The following NAA35 variants were observed in gnomAD, a reference collection of about 807,000 sequenced individuals.
NAA35 encodes N-alpha-acetyltransferase 35, NatC auxiliary subunit.
A neutral mutation model predicts 101.7 loss-of-function variants in NAA35; 18 were observed. That is an observed-to-expected ratio of 0.18 (90% confidence interval 0.12 to 0.26). The LOEUF (loss-of-function observed/expected upper bound fraction) is 0.26. Ranked by LOEUF, NAA35 falls within the 10% of genes least tolerant of loss-of-function variation. NAA35 has a pLI of 1.00. For synonymous variants in NAA35, 267 were observed against 273.1 expected (o/e 0.98, Z 0.22); for missense variants, 601 against 886.8 (o/e 0.68, Z 4.09).
intron 4 of NAA35, among the ~76,000 whole-genome samples, chr9:85,959,356 G>A (rs1474470745): frequency 1.5e-4 from 22 of 144,958 alleles, no homozygotes; most frequent in South Asian, 2.1e-4. Context: ...CAGCCTGGGC[G>A]ACAGAGTGAG....
chr9:85,998,735 T>G (rs1831285598), intron 12 of NAA35, among the ~76,000 whole-genome samples: 2 of 152,206 alleles, frequency 1.3e-5, no homozygotes, highest in Non-Finnish European at 2.9e-5. Flanking sequence ...GTAGAAAATG[T>G]GCAAGACAGT....
At chr9:85,945,774 C>G (rs980881478) in intron 2 of NAA35, among the ~76,000 whole-genome samples, 1 of 152,080 alleles carries the variant, frequency 6.6e-6, no homozygotes, top group Non-Finnish European at 1.5e-5. Flanking sequence ...CCACCTCGGC[C>G]TCTCAAAGTG....
At chr9:85,958,614 C>T (rs767901556) in intron 4 of NAA35, 28 bp downstream of exon 4, 131 of 1,454,504 alleles carry the variant, frequency 9.0e-5, no homozygotes, top group Non-Finnish European at 1.1e-4. Context: ...TTTTGTGTTT[C>T]CATTTATCTT....
At chr9:85,966,570 T>A (rs964348638) in intron 6 of NAA35, 2 of 1,100,638 alleles carry the variant, frequency 1.8e-6, no homozygotes, top group South Asian at 1.6e-5. Flanking sequence ...CTTTTTTTTT[T>A]AACCTCACCC....
chr9:85,982,167 G>A (rs971373986), intron 11 of NAA35, among the ~76,000 whole-genome samples: 1 of 152,108 alleles, frequency 6.6e-6, no homozygotes, highest in Non-Finnish European at 1.5e-5. Flanking sequence ...TTTTTTTGAC[G>A]TGGTTACATG....
intron 2 of NAA35, among the ~76,000 whole-genome samples, chr9:85,951,203 C>G (rs1368806341): frequency 6.6e-6 from 1 of 151,520 alleles, no homozygotes; most frequent in Admixed American, 6.6e-5. Context: ...AATGAGAAAT[C>G]ATTGTATTTT....
At chr9:85,949,299 C>CTTT (rs56828555) in intron 2 of NAA35, among the ~76,000 whole-genome samples, 36 of 140,080 alleles carry the variant, frequency 2.6e-4, no homozygotes, top group African/African-American at 8.9e-4. Flanking sequence ...TTTTCTTTTT[C>CTTT]TTTTTTTTTT....
intron 17 of NAA35, among the ~76,000 whole-genome samples, chr9:86,014,906 A>T (rs1008398563): frequency 3.3e-5 from 5 of 152,172 alleles, no homozygotes; most frequent in African/African-American, 1.2e-4. Context: ...ACATTTTGTT[A>T]TTCATAGTAG....
intron 16 of NAA35, among the ~76,000 whole-genome samples, 158 bp from the exon 17 acceptor site, chr9:86,013,561 A>AAG (rs1832059572): frequency 6.6e-6 from 1 of 152,238 alleles, no homozygotes; most frequent in Non-Finnish European, 1.5e-5. Context: ...GAGAACTTCA[A>AAG]ATGTAAACCT....
intron 2 of NAA35, among the ~76,000 whole-genome samples, chr9:85,945,956 T>C (rs536245166): frequency 6.6e-6 from 1 of 152,288 alleles, no homozygotes; most frequent in South Asian, 2.1e-4. Context: ...TTATGATTTA[T>C]TTTATTTCCT....
intron 11 of NAA35, among the ~76,000 whole-genome samples, chr9:85,993,159 G>A (rs1157556283): frequency 6.6e-6 from 1 of 152,126 alleles, no homozygotes; most frequent in African/African-American, 2.4e-5. Context: ...TGTTTTGTTT[G>A]TTTAAAAGTA....
chr9:86,005,121 TAAATC>T (rs1337008137), intron 13 of NAA35, among the ~76,000 whole-genome samples: 4 of 152,252 alleles, frequency 2.6e-5, no homozygotes, highest in South Asian at 2.1e-4. Context: ...AAATTATTAA[TAAATC>T]AAATTCAACA....
intron 6 of NAA35, among the ~76,000 whole-genome samples, chr9:85,973,691 C>T (rs908808916): frequency 1.3e-5 from 2 of 150,908 alleles, no homozygotes; most frequent in South Asian, 2.1e-4. Context: ...GTTTGATGTC[C>T]AAGTAGAGAC....
At chr9:85,966,504 C>A in intron 6 of NAA35, 1 of 544,060 alleles carries the variant, frequency 1.8e-6, no homozygotes, top group Non-Finnish European at 2.8e-6. Context: ...TAAAATTTAG[C>A]TTCACTATAA....
chr9:85,941,292 T>G lies in NAA35; in HGVS notation c.-6+19T>G. On this transcript the variant is annotated intron_variant, in intron 1 of 22. Coordinates refer to ENST00000361671, the MANE Select transcript of NAA35 (RefSeq NM_024635.4). ...GAAGTAGGTAGGGACCGCCCCTGCG[T>G]AGCCATTGAAACCCTCTCGCTCGTG... 1.0e-6 allele frequency: 1 copy of G among 985,544 alleles called. No homozygotes were observed. Among genetic ancestry groups the G allele is most frequent in the Non-Finnish European group, 1.2e-6 (1 of 830,068 alleles). 61.0% of individuals were successfully genotyped at this position (985,544 alleles called of 1,614,324 possible). A position where few individuals can be genotyped will look rare whatever the true frequency, so the allele number is the denominator to read the frequency against.
intron 15 of NAA35, 109 bp from the exon 16 acceptor site, chr9:86,012,937 A>T (rs1403234022): frequency 1.7e-6 from 1 of 598,680 alleles, no homozygotes; most frequent in African/African-American, 1.8e-5. Context: ...TAATTCTTAC[A>T]TACACAGCAT....
chr9:85,954,200 C>T (rs1229121268), intron 2 of NAA35, among the ~76,000 whole-genome samples: 1 of 152,136 alleles, frequency 6.6e-6, no homozygotes, highest in African/African-American at 2.4e-5. Flanking sequence ...CCCACCTCAG[C>T]CTCCCCAGTA....
At chr9:85,962,842 T>C (rs545783815) in intron 6 of NAA35, among the ~76,000 whole-genome samples, 1 of 152,298 alleles carries the variant, frequency 6.6e-6, no homozygotes, top group African/African-American at 2.4e-5. Flanking sequence ...AAAAGGGAGC[T>C]AAGGAGAACA....
At chr9:85,985,739 G>A (rs1293664319) in intron 11 of NAA35, among the ~76,000 whole-genome samples, 1 of 152,120 alleles carries the variant, frequency 6.6e-6, no homozygotes, top group Admixed American at 6.5e-5. Context: ...GAGTTATGTG[G>A]TATGTTAATT....
Sources: gnomAD v4.1 joint callset for allele counts (sites outside exome capture counted in the v4.1 genomes callset) on GRCh38, gnomAD v4.1.1 for gene constraint, MANE v1.5 for transcripts, NCBI Gene and HGNC (gene_info 2026-07-23, HGNC 2026-07-21) for gene names.